The following ZFYVE9 variants were observed in gnomAD, a reference collection of about 807,000 sequenced individuals.
ZFYVE9 encodes the protein zinc finger FYVE domain-containing protein 9.
A neutral mutation model predicts 126.7 loss-of-function variants in ZFYVE9; 43 were observed. The ratio of observed to expected loss-of-function variants is 0.34; its 90% confidence interval spans 0.27 to 0.44. The LOEUF is 0.44. ZFYVE9 is among the 20% of genes least tolerant of loss of function. ZFYVE9 has a pLI of 1.00. For synonymous variants in ZFYVE9, 521 were observed against 597.4 expected (o/e 0.87, Z 1.87); for missense variants, 1,476 against 1,697.0 (o/e 0.87, Z 2.29).
intron 1 of ZFYVE9, chr1:52,179,849 C>T: frequency 1.5e-6 from 1 of 670,388 alleles, no homozygotes; most frequent in Non-Finnish European, 2.7e-6. Flanking sequence ...AAACAAGATG[C>T]AGGACCCCAA....
At chr1:52,210,121 G>A (rs1156315281) in intron 1 of ZFYVE9, among the ~76,000 whole-genome samples, 2 of 152,112 alleles carry the variant, frequency 1.3e-5, no homozygotes, top group South Asian at 4.1e-4. Flanking sequence ...GGGAGGAGAG[G>A]ATAGTATCTA....
At chr1:52,312,654 A>G (rs1646148828) in intron 13 of ZFYVE9, among the ~76,000 whole-genome samples, 1 of 152,238 alleles carries the variant, frequency 6.6e-6, no homozygotes, top group African/African-American at 2.4e-5. Context: ...GAAAAACTTC[A>G]TAGGCATAGA....
At chr1:52,243,225 C>A (rs1049942923) in intron 4 of ZFYVE9, among the ~76,000 whole-genome samples, 1 of 152,132 alleles carries the variant, frequency 6.6e-6, no homozygotes. Context: ...GCTCCCCACC[C>A]TCATGGTATG....
chr1:52,155,177 G>A (rs1644390299), intron 1 of ZFYVE9, among the ~76,000 whole-genome samples: 1 of 151,616 alleles, frequency 6.6e-6, no homozygotes, highest in South Asian at 2.1e-4. Flanking sequence ...CAGTGATGAA[G>A]CATTGTATCT....
chr1:52,172,072 GC>G lies in ZFYVE9; in HGVS notation c.-143+29672del, dbSNP rs1359821692. On this transcript the variant is annotated intron_variant, in intron 1 of 18. Transcript: ENST00000287727. ...TTGGTGTTTTAGACATGAAGTCCTTGCCCATGCCTATGTCCTGAATGGTAAT... is the reference window on the plus strand; with the variant it reads ...TTGGTGTTTTAGACATGAAGTCCTTGCCATGCCTATGTCCTGAATGGTAAT... Among the ~76,000 whole-genome samples, 6 of 152,134 alleles carry G rather than the reference GC, an allele frequency of 3.9e-5. No homozygotes were observed. The East Asian group carries it at 1.2e-3, about 29-fold the overall frequency.
intron 1 of ZFYVE9, chr1:52,150,380 C>A (rs1644343375): frequency 6.6e-6 from 1 of 152,184 alleles, no homozygotes; most frequent in African/African-American, 2.4e-5. Context: ...AGAATAGCCA[C>A]CCCACTCCAG....
intron 1 of ZFYVE9, among the ~76,000 whole-genome samples, chr1:52,173,455 C>T (rs1356848483): frequency 2.0e-5 from 3 of 152,050 alleles, no homozygotes; most frequent in African/African-American, 4.8e-5. Context: ...ATATTGGTCT[C>T]TAATTCTCTT....
chr1:52,242,031 CT>C (rs975430437), intron 4 of ZFYVE9, among the ~76,000 whole-genome samples: 2,510 of 106,412 alleles, frequency 0.024, 22 homozygotes, highest in East Asian at 0.085. Context: ...TCATGGCAAT[CT>C]TTTTTTTTTT....
In ZFYVE9 at chr1:52,296,425, AC is replaced by A. The variant is rs529297998; in HGVS notation, c.3333+452del. Among the ~76,000 whole-genome samples the A allele has an allele frequency of 3.3e-5, 5 of 152,132 alleles. No individual in the cohort carries two copies. In the East Asian group the frequency reaches 5.8e-4, roughly 18 times the overall value. ...GATTGGTCAGAGATTGTACCCAGATACCCCAAGCCAGTAAGGCTACTGCCCT... is the reference window on the plus strand; with the variant it reads ...GATTGGTCAGAGATTGTACCCAGATACCCAAGCCAGTAAGGCTACTGCCCT... On this transcript the variant is annotated intron_variant, in intron 12 of 18. Transcript: ENST00000287727.
Position 52,167,929 on chromosome 1 carries a change from G to A in ZFYVE9, c.-143+25526G>A, listed in dbSNP as rs1256675997. Among the ~76,000 whole-genome samples the A allele has an allele frequency of 2.0e-5, 3 of 152,130 alleles. No individual in the cohort carries two copies. The East Asian group carries it at 5.8e-4, about 29-fold the overall frequency. On this transcript the variant is annotated intron_variant, in intron 1 of 18. Transcript: ENST00000287727. ...GTTTCTGTAGCTTTTTGGAGAAAAGGCAAATAAATTTAGGATTAGTGAAAT... is the reference window on the plus strand; with the variant it reads ...GTTTCTGTAGCTTTTTGGAGAAAAGACAAATAAATTTAGGATTAGTGAAAT...
At chr1:52,143,303 A>G (rs1177019257) in intron 1 of ZFYVE9, among the ~76,000 whole-genome samples, 2 of 152,212 alleles carry the variant, frequency 1.3e-5, no homozygotes, top group Non-Finnish European at 2.9e-5. Flanking sequence ...TTTTAGAAAT[A>G]AAATGATTTG....
rs751143364 is a variant in ZFYVE9 at position 52,281,716 on chromosome 1, G to A, written c.2925G>A (p.Gln975=). The A allele has an allele frequency of 6.2e-6, 10 of 1,614,086 alleles. No homozygotes were observed. The African/African-American group carries it at 8.0e-5, about 13-fold the overall frequency. Residue 975 remains glutamine (Q), a synonymous_variant, in exon 10 of 19, where the codon CAG becomes CAA. Transcript: ENST00000287727. Reference sequence around the variant, plus strand: ...CCAAGGGAATGCATGCAGTGGGTCAGTCTGAGATAGTCATTCTTCTACAGT... The same window carrying A: ...CCAAGGGAATGCATGCAGTGGGTCAATCTGAGATAGTCATTCTTCTACAGT... ...FTTKGMHAVG[Q]SEIVILLQCL... is the part of the protein sequence containing the mutation.
chr1:52,158,985 G>A (rs1254855143), intron 1 of ZFYVE9, among the ~76,000 whole-genome samples: 1 of 152,034 alleles, frequency 6.6e-6, no homozygotes, highest in African/African-American at 2.4e-5. Flanking sequence ...GTAGAGACGG[G>A]GTTTCACCAT....
chr1:52,208,585 T>C (rs1475472104), intron 1 of ZFYVE9, among the ~76,000 whole-genome samples: 1 of 151,738 alleles, frequency 6.6e-6, no homozygotes, highest in Non-Finnish European at 1.5e-5. Flanking sequence ...TGGCGCGATC[T>C]CAGCCCGGCG....
chr1:52,214,601 A>G (rs866962591), intron 1 of ZFYVE9, among the ~76,000 whole-genome samples: 3 of 152,178 alleles, frequency 2.0e-5, no homozygotes, highest in East Asian at 1.9e-4. Flanking sequence ...TATAATTCCA[A>G]TAGAAAAACC....
At chr1:52,298,364 T>C (rs562743923) in intron 12 of ZFYVE9, among the ~76,000 whole-genome samples, 3 of 152,334 alleles carry the variant, frequency 2.0e-5, no homozygotes, top group African/African-American at 7.2e-5. Flanking sequence ...CTTCTGCATG[T>C]GGATATATCC....
At chr1:52,342,150 G>A (rs1285046064) in intron 17 of ZFYVE9, among the ~76,000 whole-genome samples, 1 of 152,180 alleles carries the variant, frequency 6.6e-6, no homozygotes, top group East Asian at 1.9e-4. Context: ...CAGGTACGGG[G>A]CTTCGGAGCT....
chr1:52,223,328 A>AG (rs1307177984), intron 2 of ZFYVE9, among the ~76,000 whole-genome samples: 1 of 151,944 alleles, frequency 6.6e-6, no homozygotes. Flanking sequence ...CTTCCTGTAT[A>AG]GGGGTCAGAC....
intron 13 of ZFYVE9, among the ~76,000 whole-genome samples, chr1:52,304,679 T>G (rs1044775339): frequency 6.6e-6 from 1 of 152,170 alleles, no homozygotes; most frequent in Non-Finnish European, 1.5e-5. Flanking sequence ...CATTATGTAC[T>G]TGGTATGCAC....
Sources: allele counts gnomAD v4.1 joint callset (sites outside exome capture counted in the v4.1 genomes callset), GRCh38; gene constraint gnomAD v4.1.1; transcripts MANE v1.5; gene names NCBI Gene and HGNC (gene_info 2026-07-23, HGNC 2026-07-21).